The following MTUS1 variants were observed in gnomAD, a reference collection of about 807,000 sequenced individuals.
MTUS1 encodes the protein microtubule-associated tumor suppressor 1.
A neutral mutation model predicts 120.8 loss-of-function variants in MTUS1; 109 were observed. That is an observed-to-expected ratio of 0.90 (90% CI 0.77 to 1.06). The LOEUF (loss-of-function observed/expected upper bound fraction) is 1.06, where lower values mean the gene tolerates loss of function less well. Ranked by LOEUF, MTUS1 falls within the 50% of genes least tolerant of loss-of-function variation. The probability of loss-of-function intolerance (pLI) is 0.00; values close to 1 mark genes in which losing one functional copy is unlikely to be tolerated. For missense variants in MTUS1, 2,210 were observed against 1,486.3 expected (o/e 1.49, Z -8.01); for synonymous variants, 737 against 550.5 (o/e 1.34, Z -4.74).
intron 8 of MTUS1, among the ~76,000 whole-genome samples, chr8:17,657,887 G>C (rs546276300): frequency 1.3e-5 from 2 of 150,140 alleles, no homozygotes; most frequent in East Asian, 2.0e-4. Flanking sequence ...ACGTATATAT[G>C]CATACATATG....
rs930285644 is a variant in MTUS1, at chr8:17,643,835, T to A, written c.*2091A>T. 1 of 152,200 alleles carries A rather than the reference T, an allele frequency of 6.6e-6. No individual in the cohort carries two copies. The highest frequency in any genetic ancestry group is 1.5e-5 in the Non-Finnish European group (1 of 68,044). The allele number at this position is 152,200 out of a possible 1,614,324, so 9.4% of individuals were successfully genotyped here. On this transcript the variant is annotated 3_prime_UTR_variant, in exon 15 of 15. Transcript: ENST00000693296. ...TCCAGCATTATTTATTTGATCAGAG[T>A]AAAATACACTTCCCATCACTACAAA...
intron 6 of MTUS1, chr8:17,691,823 C>G (rs752670263): frequency 6.6e-6 from 1 of 152,058 alleles, no homozygotes; most frequent in Non-Finnish European, 1.5e-5. Context: ...TGAATAAATG[C>G]CCTCCTAATC....
chr8:17,712,947 T>C (rs1269274071), intron 6 of MTUS1, among the ~76,000 whole-genome samples: 2 of 152,236 alleles, frequency 1.3e-5, no homozygotes, highest in Non-Finnish European at 2.9e-5. Flanking sequence ...AAGTACATTT[T>C]CCATTTCATT....
chr8:17,754,531 A>G lies in MTUS1; in HGVS notation c.1277T>C (p.Met426Thr). The change falls in exon 2 of 15, where the codon ATG becomes ACG. Residue 426 changes from methionine to threonine, a missense_variant. Transcript: ENST00000693296. ...TTCTAGGACTGGTGTTGACATGCAC[A>G]TCGTTTTGTCTGTGCTAATGACCAT... ...NDMVISTDKT[M>T]CMSTPVLEPT... 1 of 1,614,220 alleles carries G rather than the reference A, an allele frequency of 6.2e-7. No individual in the cohort carries two copies.
chr8:17,769,296 T>C (rs13264858), intron 1 of MTUS1, among the ~76,000 whole-genome samples: 138,889 of 142,216 alleles, frequency 0.98, 67,924 homozygotes, highest in East Asian at 1. Flanking sequence ...GTGGAAGACC[T>C]TACACATTCA....
chr8:17,766,402 C>T (rs115001629), intron 1 of MTUS1, among the ~76,000 whole-genome samples: 5,066 of 152,280 alleles, frequency 0.033, 123 homozygotes, highest in South Asian at 0.066. Flanking sequence ...GAGATCTCCT[C>T]CTACTACTCA....
intron 6 of MTUS1, chr8:17,692,023 C>T (rs1817040086): frequency 6.6e-6 from 1 of 152,190 alleles, no homozygotes; most frequent in Admixed American, 6.5e-5. Flanking sequence ...CACAGGTAAT[C>T]AATGCCCCTC....
At chr8:17,782,889 C>T (rs186617368) in intron 1 of MTUS1, among the ~76,000 whole-genome samples, 1 of 152,214 alleles carries the variant, frequency 6.6e-6, no homozygotes, top group African/African-American at 2.4e-5. Flanking sequence ...ACCAGCCTGG[C>T]CAACATGGTG....
At chr8:17,760,062 T>C (rs1447324238) in intron 1 of MTUS1, among the ~76,000 whole-genome samples, 6 of 150,534 alleles carry the variant, frequency 4.0e-5, no homozygotes, top group African/African-American at 1.2e-4. Flanking sequence ...TTTTCTTTTT[T>C]TTTTTTTTTT....
rs140951863 is a variant in MTUS1, at chr8:17,754,152, G to C, written c.1656C>G (p.Val552=). The part of the protein sequence containing the change: ...PSSVNSRQQT[V]LSRTPRSDLN... ...AGTCAGATCTCGGTGTTCTGCTCAA[G>C]ACTGTTTGTTGTCTTGAATTCACTG... Residue 552 remains valine, a synonymous_variant, in exon 2 of 15, where the codon GTC becomes GTG. Transcript: ENST00000693296. 3.7e-6 allele frequency: 6 copies of C among 1,613,674 alleles called. No homozygotes were observed. The highest frequency in any genetic ancestry group is 1.3e-5 in the African/African-American group (1 of 74,978).
At chr8:17,708,493 C>G (rs887984836) in intron 6 of MTUS1, among the ~76,000 whole-genome samples, 4 of 152,194 alleles carry the variant, frequency 2.6e-5, no homozygotes, top group Non-Finnish European at 5.9e-5. Flanking sequence ...TTCATACACT[C>G]CTGGTGAGGA....
At chr8:17,680,725 G>C (rs1327097399) in intron 7 of MTUS1, among the ~76,000 whole-genome samples, 1 of 152,096 alleles carries the variant, frequency 6.6e-6, no homozygotes, top group East Asian at 1.9e-4. Context: ...GCCTCGGCTT[G>C]TGTTTAGAGG....
intron 2 of MTUS1, among the ~76,000 whole-genome samples, chr8:17,747,496 G>A (rs1004579062): frequency 8.5e-5 from 13 of 152,104 alleles, no homozygotes; most frequent in African/African-American, 2.2e-4. Flanking sequence ...CTAGGCAGAC[G>A]GGGGCAGGTC....
intron 10 of MTUS1, 26 bp from the exon 11 acceptor site, chr8:17,653,524 A>G (rs901170926): frequency 3.9e-6 from 6 of 1,524,918 alleles, no homozygotes; most frequent in Non-Finnish European, 5.4e-6. Flanking sequence ...GATATTTTTG[A>G]GGCAATAACA....
At chr8:17,760,078 C>G (rs1255252177) in intron 1 of MTUS1, among the ~76,000 whole-genome samples, 2 of 144,146 alleles carry the variant, frequency 1.4e-5, no homozygotes, top group African/African-American at 2.6e-5. Flanking sequence ...TTTTTTAGCA[C>G]GGTGGTGCAT....
chr8:17,721,909 G>T, intron 4 of MTUS1: 2 of 1,609,586 alleles, frequency 1.2e-6, no homozygotes, highest in Non-Finnish European at 1.7e-6. Context: ...CATTTAAAAG[G>T]ATCAAAGCAA....
intron 6 of MTUS1, among the ~76,000 whole-genome samples, chr8:17,703,305 T>G (rs1030341693): frequency 2.6e-5 from 4 of 152,138 alleles, no homozygotes; most frequent in African/African-American, 9.7e-5. Context: ...GGTAGGTCTA[T>G]AAACGGCCGC....
intron 1 of MTUS1, among the ~76,000 whole-genome samples, chr8:17,761,309 T>C (rs1326183843): frequency 6.6e-6 from 1 of 152,216 alleles, no homozygotes; most frequent in Non-Finnish European, 1.5e-5. Flanking sequence ...TTTCTTCATG[T>C]GAAGAGACAC....
At chr8:17,711,706 A>T (rs1403170297) in intron 6 of MTUS1, among the ~76,000 whole-genome samples, 1 of 152,212 alleles carries the variant, frequency 6.6e-6, no homozygotes, top group Non-Finnish European at 1.5e-5. Flanking sequence ...GCTTGGCACA[A>T]GAGACCTGGC....
Sources: gnomAD v4.1 joint callset for allele counts (sites outside exome capture counted in the v4.1 genomes callset) on GRCh38, gnomAD v4.1.1 for gene constraint, MANE v1.5 for transcripts, NCBI Gene and HGNC (gene_info 2026-07-23, HGNC 2026-07-21) for gene names.